CUTC: variants seen among roughly 807,000 people sequenced by gnomAD.
CUTC encodes the protein cutC copper transporter, also known as copper homeostasis protein cutC homolog.
CUTC carries 27 observed loss-of-function variants against 36.2 expected under a neutral mutation model. The ratio of observed to expected loss-of-function variants is 0.75; its 90% confidence interval spans 0.55 to 1.03. CUTC has a LOEUF of 1.03. Among genes scored for constraint, CUTC ranks in the 50% least tolerant of loss-of-function variants. The probability of loss-of-function intolerance (pLI) is 0.00; values close to 1 mark genes in which losing one functional copy is unlikely to be tolerated. For missense variants in CUTC, 315 were observed against 343.5 expected, an observed-to-expected ratio of 0.92 and a Z score of 0.66; for synonymous variants, 114 against 118.3, an observed-to-expected ratio of 0.96 and a Z score of 0.24.
intron 2 of CUTC, among the ~76,000 whole-genome samples, chr10:99,738,075 G>A (rs1182319173): frequency 2.6e-5 from 4 of 151,852 alleles, no homozygotes; most frequent in East Asian, 1.9e-4. Flanking sequence ...GAACCTGGGA[G>A]GCGGAGGTTG....
intron 1 of CUTC, among the ~76,000 whole-genome samples, chr10:99,734,383 A>C (rs974529008): frequency 1.3e-5 from 2 of 152,174 alleles, no homozygotes; most frequent in African/African-American, 2.4e-5. Context: ...GATAGTCTTA[A>C]ATAAGTAAGG....
At chr10:99,749,682 GC>G (rs2037402444) in intron 6 of CUTC, among the ~76,000 whole-genome samples, 1 of 151,940 alleles carries the variant, frequency 6.6e-6, no homozygotes, top group African/African-American at 2.4e-5. Context: ...AGAATATGAA[GC>G]ATCCTTGTTC....
At chr10:99,740,480 A>G (rs773574695) in intron 3 of CUTC, among the ~76,000 whole-genome samples, 2 of 151,138 alleles carry the variant, frequency 1.3e-5, no homozygotes, top group African/African-American at 4.9e-5. Flanking sequence ...TCTTGCTTGT[A>G]TTGTTTCTGA....
chr10:99,751,232 A>G (rs1419734716), intron 7 of CUTC, among the ~76,000 whole-genome samples: 1 of 150,322 alleles, frequency 6.7e-6, no homozygotes, highest in Non-Finnish European at 1.5e-5. Context: ...TTCCATTATC[A>G]CATCTATCAC....
chr10:99,742,723 A>AG (rs1427497740), intron 3 of CUTC, among the ~76,000 whole-genome samples: 2 of 151,356 alleles, frequency 1.3e-5, no homozygotes. Context: ...AAAAAAAAAA[A>AG]GGTTTTGCTA....
intron 1 of CUTC, among the ~76,000 whole-genome samples, chr10:99,733,954 C>G (rs1379991305): frequency 1.3e-5 from 2 of 152,130 alleles, no homozygotes; most frequent in Non-Finnish European, 2.9e-5. Flanking sequence ...TGCCACTGAT[C>G]TGACAGCTGG....
intron 8 of CUTC, among the ~76,000 whole-genome samples, 198 bp from the exon 9 acceptor site, chr10:99,755,427 A>G (rs2037449187): frequency 6.6e-6 from 1 of 150,822 alleles, no homozygotes; most frequent in Admixed American, 6.6e-5. Flanking sequence ...TTACAATTCC[A>G]GATATAAAAT....
chr10:99,735,445 T>A (rs1227518575), intron 1 of CUTC, among the ~76,000 whole-genome samples: 1 of 152,164 alleles, frequency 6.6e-6, no homozygotes, highest in African/African-American at 2.4e-5. Flanking sequence ...TATCACTCTG[T>A]CACCCAGGCT....
At chr10:99,737,681 A>G (rs1402382987) in intron 2 of CUTC, among the ~76,000 whole-genome samples, 3 of 152,174 alleles carry the variant, frequency 2.0e-5, no homozygotes, top group African/African-American at 7.2e-5. Flanking sequence ...AGAATACAAA[A>G]ACATTCTTAG....
Position 99,744,564 on chromosome 10 carries a change from T to C in CUTC, c.439+492T>C, listed in dbSNP as rs139172218. The stretch of plus-strand genomic sequence containing the variant: ...AGAAAGTTGGGTATCTGGAGAAGAA[T>C]TGGGTCTTATTAGGAAGGGAGAAAG... On this transcript the variant is annotated intron_variant, in intron 5 of 8. Transcript: ENST00000370476. 5.5e-3 allele frequency among the ~76,000 whole-genome samples: 838 copies of C among 152,174 alleles called. 3 individuals carry two copies. Among genetic ancestry groups the C allele is most frequent in the Non-Finnish European group, 8.6e-3 (585 of 68,002 alleles).
At chr10:99,746,021 T>C (rs1381709047) in intron 5 of CUTC, among the ~76,000 whole-genome samples, 1 of 152,216 alleles carries the variant, frequency 6.6e-6, no homozygotes, top group African/African-American at 2.4e-5. Context: ...GTGAGTACAG[T>C]GTTTCATTCT....
chr10:99,752,892 G>T (rs1429158295), intron 7 of CUTC, among the ~76,000 whole-genome samples: 1 of 152,184 alleles, frequency 6.6e-6, no homozygotes, highest in African/African-American at 2.4e-5. Flanking sequence ...AAACACAAAT[G>T]TATTACAATT....
At position 99,755,552 on chromosome 10, in the gene CUTC, T is replaced by C. The variant is rs1397944682; in HGVS notation, c.708-73T>C. 5 of 902,946 alleles carry C rather than the reference T, an allele frequency of 5.5e-6. No individual in the cohort carries two copies. In the African/African-American group the frequency reaches 8.2e-5, roughly 15 times the overall value. 55.9% of individuals were successfully genotyped at this position (902,946 alleles called of 1,614,324 possible). On this transcript the variant is annotated intron_variant, in intron 8 of 8. Coordinates refer to ENST00000370476, the MANE Select transcript of CUTC (RefSeq NM_015960.3). The stretch of plus-strand genomic sequence containing the variant: ...CCTACCCTTGTATCATGAAATAGTC[T>C]ATAAAATGAAGCGGCAGTAGGAGGG...
At chr10:99,733,556 G>A (rs1360934752) in intron 1 of CUTC, among the ~76,000 whole-genome samples, 1 of 150,200 alleles carries the variant, frequency 6.7e-6, no homozygotes, top group Non-Finnish European at 1.5e-5. Context: ...TCTTGAAAAC[G>A]CCTCTTCACG....
At chr10:99,743,910 T>G (rs1266411767) in intron 4 of CUTC, 127 bp from the exon 5 acceptor site, 2 of 605,330 alleles carry the variant, frequency 3.3e-6, no homozygotes, top group Non-Finnish European at 5.5e-6. Flanking sequence ...ATTTTATTAT[T>G]ATGTCAGTTT....
intron 5 of CUTC, among the ~76,000 whole-genome samples, chr10:99,745,578 G>T (rs535443967): frequency 7.9e-4 from 121 of 152,358 alleles, no homozygotes; most frequent in Non-Finnish European, 1.4e-3. Context: ...GTAGGATGGG[G>T]CTGGGCACAG....
rs546221906 is a variant in CUTC at position 99,751,572 on chromosome 10, T to C, written c.601+1176T>C. On this transcript the variant is annotated intron_variant, in intron 7 of 8. Coordinates refer to ENST00000370476, the MANE Select transcript of CUTC (RefSeq NM_015960.3). ...TTTAAAAAAAAGTTACATTATTAAGTTTGGGCTGGGCCCAGTGGCTCACGC... is the reference window on the plus strand; with the variant it reads ...TTTAAAAAAAAGTTACATTATTAAGCTTGGGCTGGGCCCAGTGGCTCACGC... 4.4e-3 allele frequency among the ~76,000 whole-genome samples: 662 copies of C among 152,178 alleles called. 7 individuals carry two copies. The highest frequency in any genetic ancestry group is 0.032 in the South Asian group (153 of 4,820).
intron 3 of CUTC, 132 bp from the exon 4 acceptor site, chr10:99,743,021 C>T: frequency 1.3e-6 from 1 of 752,378 alleles, no homozygotes; most frequent in Non-Finnish European, 2.2e-6. Flanking sequence ...TACTTACCTT[C>T]TACCATATAT....
Position 99,755,826 on chromosome 10 carries a change from C to G in CUTC, c.*87C>G. On this transcript the variant is annotated 3_prime_UTR_variant, in exon 9 of 9. Coordinates refer to ENST00000370476, the MANE Select transcript of CUTC (RefSeq NM_015960.3). ...TCTATGACACAGCTTTAACCTTCTT[C>G]TCTGGCCAGGACAGTCGCAATCTTT... 1 of 850,800 alleles carries G rather than the reference C, an allele frequency of 1.2e-6. No individual in the cohort carries two copies. The highest frequency in any genetic ancestry group is 1.9e-6 in the Non-Finnish European group (1 of 519,486). 52.7% of individuals were successfully genotyped at this position (850,800 alleles called of 1,614,324 possible).
Sources: allele counts gnomAD v4.1 joint callset (sites outside exome capture counted in the v4.1 genomes callset), GRCh38; gene constraint gnomAD v4.1.1; transcripts MANE v1.5; gene names NCBI Gene and HGNC (gene_info 2026-07-23, HGNC 2026-07-21).